Variants in PCDHA6 observed in about 807,000 individuals in gnomAD.
PCDHA6 encodes protocadherin alpha-6.
In PCDHA6, 55 loss-of-function variants were observed where a neutral mutation model predicts 60.3. The observed-to-expected ratio is 0.91, with a 90% confidence interval of 0.73 to 1.14. The LOEUF (loss-of-function observed/expected upper bound fraction) is 1.14. Among genes scored for constraint, PCDHA6 ranks in the 50% most tolerant of loss-of-function variants. PCDHA6 has a pLI of 0.00. For synonymous variants in PCDHA6, 652 were observed against 557.9 expected (o/e 1.17, Z -2.38); for missense variants, 1,327 against 1,256.5 (o/e 1.06, Z -0.85).
intron 1 of PCDHA6, chr5:140,841,357 G>T: frequency 6.2e-7 from 1 of 1,613,058 alleles, no homozygotes; most frequent in Non-Finnish European, 8.5e-7. Flanking sequence ...TGGGATCCTG[G>T]CGACTACTAC....
rs1232037230 is a variant in PCDHA6 at position 140,844,720 on chromosome 5, C to T, written c.2394+14235C>T. On this transcript the variant is annotated intron_variant, in intron 1 of 3. Coordinates refer to ENST00000529310, the MANE Select transcript of PCDHA6 (RefSeq NM_018909.4). ...TTGGGATTATCATGGCCCATTAGTTCGTGTAAAAATATTTAGTATTATGGG... is the reference window on the plus strand; with the variant it reads ...TTGGGATTATCATGGCCCATTAGTTTGTGTAAAAATATTTAGTATTATGGG... Among the ~76,000 whole-genome samples the T allele has an allele frequency of 5.4e-5, 8 of 149,304 alleles. 1 individual carries two copies. Among genetic ancestry groups the T allele is most frequent in the East Asian group, 1.9e-4 (1 of 5,172 alleles).
chr5:140,910,652 T>C (rs2075120001), intron 1 of PCDHA6, among the ~76,000 whole-genome samples: 1 of 152,204 alleles, frequency 6.6e-6, no homozygotes, highest in Non-Finnish European at 1.5e-5. Flanking sequence ...TTTTGATCCC[T>C]TCCTCTACAT....
chr5:140,849,038 C>T, intron 1 of PCDHA6: 5 of 1,575,008 alleles, frequency 3.2e-6, no homozygotes, highest in Non-Finnish European at 4.3e-6. Context: ...TCTTCCTGGA[C>T]GTGCCAACCA....
intron 1 of PCDHA6, chr5:140,863,368 C>A (rs1562578744): frequency 8.4e-7 from 1 of 1,192,682 alleles, no homozygotes; most frequent in Non-Finnish European, 1.2e-6. Flanking sequence ...GTGCTTGGCG[C>A]AGCTCACCGA....
chr5:140,866,758 A>T (rs1554160534), intron 1 of PCDHA6: 1 of 152,196 alleles, frequency 6.6e-6, no homozygotes, highest in Non-Finnish European at 1.5e-5. Flanking sequence ...CTAACAGGAC[A>T]TACAGGCAGA....
chr5:140,982,706 T>C, intron 3 of PCDHA6, 143 bp downstream of exon 3: 1 of 1,375,170 alleles, frequency 7.3e-7, no homozygotes, highest in Admixed American at 2.9e-5. Flanking sequence ...ATGATTTCCT[T>C]ACATATATGA....
intron 1 of PCDHA6, among the ~76,000 whole-genome samples, chr5:140,904,190 C>T (rs1292555686): frequency 6.6e-6 from 1 of 151,916 alleles, no homozygotes; most frequent in Non-Finnish European, 1.5e-5. Flanking sequence ...CCCTTCCCAC[C>T]CTTTCCCCCT....
chr5:140,883,401 A>C, intron 1 of PCDHA6: 2 of 1,614,108 alleles, frequency 1.2e-6, no homozygotes, highest in Non-Finnish European at 1.7e-6. Flanking sequence ...TCCGATCGTG[A>C]CTCTGGCTCA....
intron 1 of PCDHA6, chr5:140,884,317 G>A (rs1401667312): frequency 3.1e-6 from 5 of 1,613,662 alleles, no homozygotes; most frequent in African/African-American, 2.7e-5. Flanking sequence ...CGAGGGCGTC[G>A]GCAGGCGCTG....
intron 1 of PCDHA6, among the ~76,000 whole-genome samples, chr5:140,958,973 ATTAG>A (rs2095457294): frequency 1.3e-5 from 2 of 152,038 alleles, no homozygotes; most frequent in African/African-American, 2.4e-5. Flanking sequence ...CTATTTTATT[ATTAG>A]TTATTGTTGC....
intron 1 of PCDHA6, chr5:140,858,289 T>C: frequency 6.3e-7 from 1 of 1,597,184 alleles, no homozygotes; most frequent in Non-Finnish European, 8.6e-7. Flanking sequence ...GGAGCTGGTC[T>C]TACTCGCAGC....
In PCDHA6 at chr5:140,851,551, T is replaced by C; in HGVS notation, c.2394+21066T>C. Reference sequence around the variant, plus strand: ...GACAATGTAGATAATTCAAGAAATGTTGACTGAAATTTTGTCTACACTTAG... The same window carrying C: ...GACAATGTAGATAATTCAAGAAATGCTGACTGAAATTTTGTCTACACTTAG... On this transcript the variant is annotated intron_variant, in intron 1 of 3. Coordinates refer to ENST00000529310, the MANE Select transcript of PCDHA6 (RefSeq NM_018909.4). The C allele has an allele frequency of 5.5e-6, 5 of 908,010 alleles. No individual in the cohort carries two copies. In the South Asian group the frequency reaches 2.0e-4, roughly 36 times the overall value. The allele number at this position is 908,010 out of a possible 1,614,324, so 56.2% of individuals were successfully genotyped here. A position where few individuals can be genotyped will look rare whatever the true frequency, so the allele number is the denominator to read the frequency against.
At chr5:140,883,027 G>A in intron 1 of PCDHA6, 1 of 1,614,126 alleles carries the variant, frequency 6.2e-7, no homozygotes, top group Non-Finnish European at 8.5e-7. Context: ...CGGTGTTAGA[G>A]AACGCCTTCA....
chr5:140,856,312 G>C, intron 1 of PCDHA6: 1 of 1,598,632 alleles, frequency 6.3e-7, no homozygotes, highest in Non-Finnish European at 8.6e-7. Context: ...TGAATTCTCG[G>C]ATTGACCGCG....
intron 1 of PCDHA6, among the ~76,000 whole-genome samples, chr5:140,952,726 A>C (rs2094788337): frequency 6.6e-6 from 1 of 152,188 alleles, no homozygotes; most frequent in African/African-American, 2.4e-5. Context: ...TTTCTGTACT[A>C]GTCTTTTCTC....
At chr5:140,830,751 A>G (rs1247208262) in intron 1 of PCDHA6, 3 of 185,768 alleles carry the variant, frequency 1.6e-5, no homozygotes, top group Admixed American at 1.2e-4. Flanking sequence ...TTTCTGTTGC[A>G]TTTTAATTCA....
chr5:140,941,218 T>TCTTTCTTC, intron 1 of PCDHA6, among the ~76,000 whole-genome samples: 1 of 125,730 alleles, frequency 8.0e-6, no homozygotes, highest in African/African-American at 3.3e-5. Context: ...TTTCTTCCTT[T>TCTTTCTTC]CTTTCTTTCT....
In PCDHA6 at chr5:140,849,582, G is replaced by T. The variant is rs2150441329; in HGVS notation, c.2394+19097G>T. 1.0e-5 allele frequency: 16 copies of T among 1,598,576 alleles called. 1 individual carries two copies. Among genetic ancestry groups the T allele is most frequent in the African/African-American group, 1.3e-5 (1 of 74,328 alleles). On this transcript the variant is annotated intron_variant, in intron 1 of 3. Transcript: ENST00000529310. ...GCTCTCGGTTCCTGTAAAAGAGGAC[G>T]CACAACTGGGGACAGTTATTGCCCT...
intron 1 of PCDHA6, chr5:140,858,085 G>T: frequency 6.3e-7 from 1 of 1,597,828 alleles, no homozygotes; most frequent in South Asian, 1.1e-5. Context: ...AGGCCTCGTC[G>T]CGGGCTTCAG....
Sources: gnomAD v4.1 joint callset for allele counts (sites outside exome capture counted in the v4.1 genomes callset) on GRCh38, gnomAD v4.1.1 for gene constraint, MANE v1.5 for transcripts, NCBI Gene and HGNC (gene_info 2026-07-23, HGNC 2026-07-21) for gene names.